The following MSRB3 variants were observed in gnomAD, a reference collection of about 807,000 sequenced individuals.
The protein encoded by MSRB3 is methionine sulfoxide reductase B3.
A neutral mutation model predicts 21.0 loss-of-function variants in MSRB3; 13 were observed. That is an observed-to-expected ratio of 0.62 (90% CI 0.40 to 0.98). MSRB3 has a LOEUF of 0.98. Ranked by LOEUF, MSRB3 falls within the 50% of genes least tolerant of loss-of-function variation. MSRB3 has a pLI of 0.00. For synonymous variants in MSRB3, 87 were observed against 88.6 expected, an observed-to-expected ratio of 0.98 and a Z score of 0.10; for missense variants, 199 against 230.3, an observed-to-expected ratio of 0.86 and a Z score of 0.88.
chr12:65,363,455 A>G (rs949276228), intron 4 of MSRB3, among the ~76,000 whole-genome samples: 1 of 152,158 alleles, frequency 6.6e-6, no homozygotes, highest in African/African-American at 2.4e-5. Context: ...TTGCAACTCT[A>G]TTATCAAAAG....
intron 1 of MSRB3, among the ~76,000 whole-genome samples, chr12:65,306,473 A>G (rs992114159): frequency 2.0e-5 from 3 of 152,192 alleles, no homozygotes; most frequent in African/African-American, 7.2e-5. Context: ...GCAAACTTCA[A>G]TCCTTTTCTA....
chr12:65,322,788 T>C (rs1054768935), intron 2 of MSRB3, among the ~76,000 whole-genome samples: 1 of 152,004 alleles, frequency 6.6e-6, no homozygotes, highest in African/African-American at 2.4e-5. Context: ...TGTTATAACC[T>C]CTCCACGCCT....
At chr12:65,340,262 T>G (rs962548878) in intron 4 of MSRB3, among the ~76,000 whole-genome samples, 1 of 151,932 alleles carries the variant, frequency 6.6e-6, no homozygotes, top group African/African-American at 2.4e-5. Context: ...CACAAGAAAG[T>G]AGGACTGGCA....
rs558692428 is a variant in MSRB3 at position 65,308,477 on chromosome 12, A to G, written c.-51-52A>G. The G allele has an allele frequency of 6.0e-5, 96 of 1,595,884 alleles. 1 individual carries two copies. The South Asian group carries it at 9.6e-4, about 16-fold the overall frequency. On this transcript the variant is annotated intron_variant, in intron 1 of 6. Coordinates refer to ENST00000308259, the MANE Select transcript of MSRB3 (RefSeq NM_001031679.3). Reference sequence around the variant, plus strand: ...ATCAGTTGTGCAATGAATGTGTTTAATATTTGTGATGTTTTAATTTGATTT... The same window carrying G: ...ATCAGTTGTGCAATGAATGTGTTTAGTATTTGTGATGTTTTAATTTGATTT...
At chr12:65,356,426 T>G (rs1000957888) in intron 4 of MSRB3, among the ~76,000 whole-genome samples, 1 of 151,888 alleles carries the variant, frequency 6.6e-6, no homozygotes, top group African/African-American at 2.4e-5. Flanking sequence ...TAAAAACTTT[T>G]CAATGTGAAA....
At chr12:65,380,405 A>G (rs977458815) in intron 5 of MSRB3, among the ~76,000 whole-genome samples, 4 of 151,992 alleles carry the variant, frequency 2.6e-5, no homozygotes, top group Non-Finnish European at 5.9e-5. Flanking sequence ...GTGAAAACCC[A>G]TCTCTACTAA....
At chr12:65,452,420 A>G (rs970642524) in intron 5 of MSRB3, among the ~76,000 whole-genome samples, 1 of 152,218 alleles carries the variant, frequency 6.6e-6, no homozygotes, top group Non-Finnish European at 1.5e-5. Context: ...TAAACCAAAT[A>G]TTATAGCCTA....
chr12:65,288,626 A>C (rs1015751338), intron 1 of MSRB3, among the ~76,000 whole-genome samples: 6 of 152,194 alleles, frequency 3.9e-5, no homozygotes, highest in African/African-American at 7.2e-5. Flanking sequence ...CATCTGAAGT[A>C]ATGGTATTAA....
chr12:65,407,479 A>T (rs1016100146), intron 5 of MSRB3, among the ~76,000 whole-genome samples: 1 of 152,124 alleles, frequency 6.6e-6, no homozygotes, highest in African/African-American at 2.4e-5. Flanking sequence ...TCTTTCAAAA[A>T]TTTCTCTGTC....
intron 5 of MSRB3, among the ~76,000 whole-genome samples, chr12:65,434,590 G>A (rs1399329033): frequency 1.3e-5 from 2 of 151,836 alleles, no homozygotes; most frequent in Non-Finnish European, 2.9e-5. Flanking sequence ...ACTTGGAGTT[G>A]TAAAAATTCC....
intron 5 of MSRB3, among the ~76,000 whole-genome samples, chr12:65,370,505 G>A (rs1592573117): frequency 6.6e-6 from 1 of 152,228 alleles, no homozygotes; most frequent in African/African-American, 2.4e-5. Context: ...ACGTCCACTA[G>A]GTTCATCTTG....
chr12:65,318,022 TGA>T (rs1310828609), intron 2 of MSRB3, among the ~76,000 whole-genome samples: 6 of 152,110 alleles, frequency 3.9e-5, no homozygotes, highest in Admixed American at 6.5e-5. Context: ...AAGAAGACAT[TGA>T]ATAATGTCTT....
At position 65,443,349 on chromosome 12, in the gene MSRB3, C is replaced by T. The variant is rs558131444; in HGVS notation, c.293-10379C>T. 3.7e-4 allele frequency among the ~76,000 whole-genome samples: 57 copies of T among 152,202 alleles called. No individual in the cohort carries two copies. The South Asian group carries it at 9.5e-3, about 25-fold the overall frequency. On this transcript the variant is annotated intron_variant, in intron 5 of 6. Transcript: ENST00000308259. Reference sequence around the variant, plus strand: ...GGGTGATAAGGCTACACCGTTTGTACATCTGAACTTGTTAATAATTTTTTG... The same window carrying T: ...GGGTGATAAGGCTACACCGTTTGTATATCTGAACTTGTTAATAATTTTTTG...
At chr12:65,372,206 G>T (rs1365573282) in intron 5 of MSRB3, among the ~76,000 whole-genome samples, 2 of 152,156 alleles carry the variant, frequency 1.3e-5, no homozygotes, top group African/African-American at 2.4e-5. Flanking sequence ...TCCACATCCA[G>T]TTGAAAACTC....
chr12:65,337,268 C>CAAAA (rs546160699), intron 4 of MSRB3, among the ~76,000 whole-genome samples: 7 of 148,306 alleles, frequency 4.7e-5, no homozygotes, highest in African/African-American at 1.8e-4. Flanking sequence ...CAAAACAAAA[C>CAAAA]AAAAAAAAAC....
intron 4 of MSRB3, among the ~76,000 whole-genome samples, chr12:65,360,482 C>G (rs978408842): frequency 1.3e-5 from 2 of 152,040 alleles, no homozygotes; most frequent in Non-Finnish European, 2.9e-5. Context: ...ATTGTAGAAG[C>G]TGGGAGCCAA....
intron 5 of MSRB3, among the ~76,000 whole-genome samples, chr12:65,375,013 CT>C (rs34940463): frequency 0.25 from 34,839 of 140,204 alleles, 4,298 homozygotes; most frequent in African/African-American, 0.3. Flanking sequence ...CCACGCCTGG[CT>C]TTTTTTTTTT....
intron 6 of MSRB3, among the ~76,000 whole-genome samples, chr12:65,462,046 A>G (rs530025491): frequency 4.6e-5 from 7 of 152,318 alleles, no homozygotes; most frequent in South Asian, 2.1e-4. Context: ...TGTAAGCTCT[A>G]TGAGGCCAGG....
chr12:65,359,930 CTG>C (rs1877605305), intron 4 of MSRB3, among the ~76,000 whole-genome samples: 1 of 152,030 alleles, frequency 6.6e-6, no homozygotes, highest in Non-Finnish European at 1.5e-5. Flanking sequence ...GTATCACACA[CTG>C]GGAGACTTGA....
Sources: gnomAD v4.1 joint callset for allele counts (sites outside exome capture counted in the v4.1 genomes callset) on GRCh38, gnomAD v4.1.1 for gene constraint, MANE v1.5 for transcripts, NCBI Gene and HGNC (gene_info 2026-07-23, HGNC 2026-07-21) for gene names.